MVB12B: variants seen among roughly 807,000 people sequenced by gnomAD.
MVB12B encodes the protein ESCRT-I complex subunit MVB12B.
A neutral mutation model predicts 41.6 loss-of-function variants in MVB12B; 16 were observed. The ratio of observed to expected loss-of-function variants is 0.38; its 90% confidence interval spans 0.26 to 0.58. The LOEUF (loss-of-function observed/expected upper bound fraction) is 0.58. Ranked by LOEUF, MVB12B falls within the 20% of genes least tolerant of loss-of-function variation. The probability of loss-of-function intolerance (pLI) is 0.62; values close to 1 mark genes in which losing one functional copy is unlikely to be tolerated. For synonymous variants in MVB12B, 133 were observed against 139.7 expected (o/e 0.95, Z 0.34); for missense variants, 274 against 380.2 (o/e 0.72, Z 2.32).
intron 7 of MVB12B, among the ~76,000 whole-genome samples, chr9:126,471,496 G>T (rs1469315215): frequency 6.6e-6 from 1 of 152,216 alleles, no homozygotes; most frequent in East Asian, 1.9e-4. Flanking sequence ...TGGGGATCTA[G>T]AAGGAAGTTG....
At chr9:126,431,777 A>C (rs1435775792) in intron 7 of MVB12B, among the ~76,000 whole-genome samples, 1 of 152,176 alleles carries the variant, frequency 6.6e-6, no homozygotes, top group Non-Finnish European at 1.5e-5. Flanking sequence ...TGTCTCTCCC[A>C]CCGACTAGCC....
At chr9:126,375,783 A>G (rs145977188) in intron 2 of MVB12B, among the ~76,000 whole-genome samples, 48 of 152,302 alleles carry the variant, frequency 3.2e-4, no homozygotes, top group African/African-American at 1.1e-3. Context: ...GGAATTCCAG[A>G]GTTCCTCAGA....
In MVB12B at chr9:126,480,762, A is replaced by G. The variant is rs1833508748; in HGVS notation, c.758-607A>G. On this transcript the variant is annotated intron_variant, in intron 7 of 9. Transcript: ENST00000361171. The surrounding 1 kb of genome is among the most constrained non-coding windows in gnomAD (Gnocchi z 4.9). ...GCTGGCCAGGTGCCCCACACACTCC[A>G]CTTCTGATGCACAGGCACCCTGTCA... 1 of 152,380 alleles carries G rather than the reference A, an allele frequency of 6.6e-6. No individual in the cohort carries two copies. Among genetic ancestry groups the G allele is most frequent in the Middle Eastern group, 3.4e-3 (1 of 294 alleles). 9.4% of individuals were successfully genotyped at this position (152,380 alleles called of 1,614,324 possible).
Position 126,484,121 on chromosome 9 carries a change from C to T in MVB12B, c.873+89C>T, listed in dbSNP as rs531734042. 8.8e-5 allele frequency: 107 copies of T among 1,218,982 alleles called. 4 individuals are homozygous for T. The South Asian group carries it at 1.1e-3, about 12-fold the overall frequency. 75.5% of individuals were successfully genotyped at this position (1,218,982 alleles called of 1,614,324 possible). ...CGTGTGTTCCCCTAGGGATCCACTC[C>T]AAGAGAGGGACAGGTGGAGGTGTTC... On this transcript the variant is annotated intron_variant, in intron 9 of 9. Coordinates refer to ENST00000361171, the MANE Select transcript of MVB12B (RefSeq NM_033446.3).
intron 1 of MVB12B, among the ~76,000 whole-genome samples, chr9:126,334,156 C>A (rs1011060757): frequency 3.3e-5 from 5 of 152,170 alleles, no homozygotes; most frequent in Admixed American, 2.6e-4. Context: ...GTGCTTAGCC[C>A]AAGTGGCTCC....
At chr9:126,402,975 T>C (rs1255048221) in intron 6 of MVB12B, among the ~76,000 whole-genome samples, 1 of 152,244 alleles carries the variant, frequency 6.6e-6, no homozygotes, top group African/African-American at 2.4e-5. Context: ...CAGCCAGCCC[T>C]GTCTCAGAGA....
chr9:126,395,511 T>C lies in MVB12B; in HGVS notation c.540-64T>C, dbSNP rs1831085936. 1.4e-5 allele frequency: 22 copies of C among 1,583,048 alleles called. No individual in the cohort carries two copies. In the South Asian group the frequency reaches 2.2e-4, roughly 16 times the overall value. On this transcript the variant is annotated intron_variant, in intron 5 of 9. Transcript: ENST00000361171. The surrounding 1 kb of genome is among the most constrained non-coding windows in gnomAD (Gnocchi z 4.9). ...GACTCTTTTAAATGAATTGGTTTGC[T>C]TTGTCACTCAGGTAAATGCTTTGTG... is the stretch of plus-strand genomic sequence containing the variant.
chr9:126,384,863 G>C (rs1156736685), intron 3 of MVB12B, among the ~76,000 whole-genome samples: 1 of 135,482 alleles, frequency 7.4e-6, no homozygotes, highest in Non-Finnish European at 1.5e-5. Context: ...TTGAGACAGA[G>C]TCTCACTCTA....
chr9:126,445,592 C>T (rs962580957), intron 7 of MVB12B, among the ~76,000 whole-genome samples: 1 of 152,072 alleles, frequency 6.6e-6, no homozygotes, highest in South Asian at 2.1e-4. Context: ...CGTGAGCCAC[C>T]GCACCCAGCC....
At chr9:126,470,246 T>G (rs112915060) in intron 7 of MVB12B, among the ~76,000 whole-genome samples, 29 of 152,362 alleles carry the variant, frequency 1.9e-4, no homozygotes, top group African/African-American at 6.5e-4. Flanking sequence ...CAATGTTTGC[T>G]GAGGAGTAAC....
chr9:126,497,157 G>C (rs183450468), intron 9 of MVB12B, among the ~76,000 whole-genome samples: 5 of 152,238 alleles, frequency 3.3e-5, no homozygotes, highest in African/African-American at 1.2e-4. Flanking sequence ...GGAGCTCTTA[G>C]CTCCAGGGAG....
At position 126,459,514 on chromosome 9, in the gene MVB12B, C is replaced by G. The variant is rs1051785333; in HGVS notation, c.758-21855C>G. On this transcript the variant is annotated intron_variant, in intron 7 of 9. Transcript: ENST00000361171. This position sits in a 1 kb window ranked among gnomAD's most constrained non-coding sequence, Gnocchi z 4.3. Reference sequence around the variant, plus strand: ...GCCTGTGAGACCACGAGACCCTCACCCCAGCAGCACGCGGGCACGCAGCCC... The same window carrying G: ...GCCTGTGAGACCACGAGACCCTCACGCCAGCAGCACGCGGGCACGCAGCCC... 6.6e-6 allele frequency among the ~76,000 whole-genome samples: 1 copy of G among 152,210 alleles called. No homozygotes were observed. Among genetic ancestry groups the G allele is most frequent in the African/African-American group, 2.4e-5 (1 of 41,462 alleles).
At chr9:126,482,221 G>A (rs748940901) in intron 8 of MVB12B, among the ~76,000 whole-genome samples, 9 of 152,244 alleles carry the variant, frequency 5.9e-5, no homozygotes, top group Admixed American at 1.3e-4. Flanking sequence ...CTTGCCCCAC[G>A]CTGGCTCAGC....
At chr9:126,481,860 A>G (rs1833530143) in intron 8 of MVB12B, among the ~76,000 whole-genome samples, 1 of 152,208 alleles carries the variant, frequency 6.6e-6, no homozygotes, top group East Asian at 1.9e-4. Flanking sequence ...TTACTTAAGG[A>G]TGACAATTTC....
At chr9:126,465,790 T>C (rs1041642906) in intron 7 of MVB12B, among the ~76,000 whole-genome samples, 1 of 152,070 alleles carries the variant, frequency 6.6e-6, no homozygotes. Context: ...ATGCTGAACA[T>C]TTGTTTTAGA....
Position 126,459,306 on chromosome 9 carries a change from TA to T in MVB12B, c.758-22059del. On this transcript the variant is annotated intron_variant, in intron 7 of 9. Coordinates refer to ENST00000361171, the MANE Select transcript of MVB12B (RefSeq NM_033446.3). The surrounding 1 kb of genome is among the most constrained non-coding windows in gnomAD (Gnocchi z 4.3). ...ATGGCTCCCTTGCCTCTCTGAGTCA[TA>T]AAACAGGCCAATTGTGTTTTTCTTA... is the stretch of plus-strand genomic sequence containing the variant. 6.6e-6 allele frequency among the ~76,000 whole-genome samples: 1 copy of T among 152,326 alleles called. No individual in the cohort carries two copies. The highest frequency in any genetic ancestry group is 1.9e-4 in the East Asian group (1 of 5,182).
chr9:126,492,809 A>G, intron 9 of MVB12B, among the ~76,000 whole-genome samples: 1 of 152,176 alleles, frequency 6.6e-6, no homozygotes, highest in Non-Finnish European at 1.5e-5. Context: ...GTGCCACTGC[A>G]CTCCAGCCTG....
intron 9 of MVB12B, among the ~76,000 whole-genome samples, chr9:126,498,363 G>A (rs1833881736): frequency 6.6e-6 from 1 of 152,086 alleles, no homozygotes; most frequent in Non-Finnish European, 1.5e-5. Flanking sequence ...GCCTGCCCAA[G>A]CCCACCCATC....
chr9:126,393,060 G>C (rs545362387), intron 5 of MVB12B, among the ~76,000 whole-genome samples: 1 of 152,198 alleles, frequency 6.6e-6, no homozygotes, highest in Non-Finnish European at 1.5e-5. Context: ...TTTGTGTCTT[G>C]TTCCTCCAGC....
Sources: gnomAD v4.1 joint callset for allele counts (sites outside exome capture counted in the v4.1 genomes callset) on GRCh38, gnomAD v4.1.1 for gene constraint, Gnocchi (gnomAD v3.1) non-coding constraint, MANE v1.5 for transcripts, NCBI Gene and HGNC (gene_info 2026-07-23, HGNC 2026-07-21) for gene names.